CACNA2D2: variants seen among roughly 807,000 people sequenced by gnomAD.
CACNA2D2 encodes calcium voltage-gated channel auxiliary subunit alpha2delta 2.
A neutral mutation model predicts 166.4 loss-of-function variants in CACNA2D2; 48 were observed. That is an observed-to-expected ratio of 0.29 (90% CI 0.23 to 0.37). CACNA2D2 has a LOEUF of 0.37. Ranked by LOEUF, CACNA2D2 falls within the 10% of genes least tolerant of loss-of-function variation. CACNA2D2 has a pLI of 1.00. For synonymous variants in CACNA2D2, 561 were observed against 573.7 expected (o/e 0.98, Z 0.32); for missense variants, 1,122 against 1,433.0 (o/e 0.78, Z 3.50).
Position 50,482,804 on chromosome 3 carries a change from T to C in CACNA2D2, c.207-6605A>G, listed in dbSNP as rs146278800. ...AAGGAGCCCTGGGGAAGGGCAGGGT[T>C]TCCTGTGACCAGACCTTCCTTCTTG... On this transcript the variant is annotated intron_variant, in intron 1 of 37. Coordinates refer to ENST00000424201, the MANE Select transcript of CACNA2D2 (RefSeq NM_006030.4). Among the ~76,000 whole-genome samples the C allele has an allele frequency of 7.9e-3, 1,204 of 152,334 alleles. 12 individuals carry two copies. The highest frequency in any genetic ancestry group is 0.054 in the Middle Eastern group (16 of 294).
intron 3 of CACNA2D2, among the ~76,000 whole-genome samples, chr3:50,406,442 C>T (rs775269986): frequency 8.6e-5 from 13 of 151,574 alleles, no homozygotes; most frequent in Non-Finnish European, 1.6e-4. Flanking sequence ...AGGGAGCCCC[C>T]CATCAGCCCT....
In CACNA2D2 at chr3:50,379,137, G is replaced by C. The variant is rs756209511; in HGVS notation, c.1215C>G (p.Asp405Glu). The change falls in exon 12 of 38, where the codon GAC becomes GAG. Residue 405 changes from aspartate (D) to glutamate (E), a missense_variant. By Grantham distance (45) the Asp-to-Glu change is conservative (BLOSUM62 2). Coordinates refer to ENST00000424201, the MANE Select transcript of CACNA2D2 (RefSeq NM_006030.4). This position sits in a 1 kb window ranked among gnomAD's most constrained non-coding sequence, Gnocchi z 6.5. ...MIMMFTDGGE[D>E]RVQDVFEKYN... ...ACTTCTCAAAGACGTCCTGCACGCG[G>C]TCCTCACCACCATCCGTGAACATCA... is the stretch of plus-strand genomic sequence containing the variant. 7 of 1,614,010 alleles carry C rather than the reference G, an allele frequency of 4.3e-6. No individual in the cohort carries two copies. The highest frequency in any genetic ancestry group is 5.9e-6 in the Non-Finnish European group (7 of 1,180,006).
chr3:50,373,627 G>T (rs1310787196), intron 22 of CACNA2D2, among the ~76,000 whole-genome samples: 5 of 98,390 alleles, frequency 5.1e-5, no homozygotes, highest in Middle Eastern at 6.1e-3. Flanking sequence ...AGGGGGGGGG[G>T]TGCTGGGGTG....
Position 50,485,656 on chromosome 3 carries a change from C to T in CACNA2D2, c.207-9457G>A, listed in dbSNP as rs759894897. ...GAAACTCCTAGGATACGGAGACAGG[C>T]AGGCACACATGGTAACAGTCACTTA... On this transcript the variant is annotated intron_variant, in intron 1 of 37. Coordinates refer to ENST00000424201, the MANE Select transcript of CACNA2D2 (RefSeq NM_006030.4). Among the ~76,000 whole-genome samples, 4 of 152,346 alleles carry T rather than the reference C, an allele frequency of 2.6e-5. No homozygotes were observed. In the East Asian group the frequency reaches 7.7e-4, roughly 29 times the overall value.
chr3:50,454,192 C>T (rs997870161), intron 2 of CACNA2D2, among the ~76,000 whole-genome samples: 1 of 152,240 alleles, frequency 6.6e-6, no homozygotes, highest in South Asian at 2.1e-4. Flanking sequence ...CGGAAGCCTC[C>T]TCCTCCCTCT....
chr3:50,486,884 C>T (rs959591917), intron 1 of CACNA2D2, among the ~76,000 whole-genome samples: 1 of 152,234 alleles, frequency 6.6e-6, no homozygotes, highest in African/African-American at 2.4e-5. Context: ...GACCACCTCA[C>T]TCTGCAGTAG....
chr3:50,376,066 C>T lies in CACNA2D2; in HGVS notation c.1702-32G>A. 2 of 1,613,294 alleles carry T rather than the reference C, an allele frequency of 1.2e-6. No individual in the cohort carries two copies. Among genetic ancestry groups the T allele is most frequent in the Non-Finnish European group, 1.7e-6 (2 of 1,179,992 alleles). On this transcript the variant is annotated intron_variant, in intron 18 of 37. Coordinates refer to ENST00000424201, the MANE Select transcript of CACNA2D2 (RefSeq NM_006030.4). The surrounding 1 kb of genome is among the most constrained non-coding windows in gnomAD (Gnocchi z 4.3). Reference sequence around the variant, plus strand: ...GAGGCAGGGTGGGAAGTCAGAAGTCCCCATTGTGGAAGGTTTGCCCACCCT... The same window carrying T: ...GAGGCAGGGTGGGAAGTCAGAAGTCTCCATTGTGGAAGGTTTGCCCACCCT...
At chr3:50,373,128 AAC>A (rs1369063231) in intron 22 of CACNA2D2, 2 of 1,527,784 alleles carry the variant, frequency 1.3e-6, no homozygotes, top group African/African-American at 1.4e-5. Context: ...AAACAAAAAC[AAC>A]ACAAACACAA....
At chr3:50,404,288 G>C (rs1440927284) in intron 3 of CACNA2D2, among the ~76,000 whole-genome samples, 8 of 152,142 alleles carry the variant, frequency 5.3e-5, no homozygotes, top group African/African-American at 1.9e-4. Context: ...GGCAGCCTCT[G>C]GGGTCTGAAC....
rs1393763730 is a variant in CACNA2D2, at chr3:50,364,698, G to A, written c.3400C>T (p.Gln1134Ter). The A allele has an allele frequency of 6.5e-7, 1 of 1,543,656 alleles. No homozygotes were observed. The highest frequency in any genetic ancestry group is 8.7e-7 in the Non-Finnish European group (1 of 1,143,642). ...LLGLPPRPQP[Q>*]VLVHASRRL ...CGGCGAGAGGCGTGGACGAGGACTT[G>A]AGGCTGCGGCCGGGGCGGCAGGCCC... Residue 1134 changes from glutamine to a stop codon, truncating the protein, a stop_gained, in exon 38 of 38, where the codon CAA becomes TAA. Transcript: ENST00000424201. LOFTEE classifies it high-confidence loss of function.
chr3:50,485,089 C>T (rs892845869), intron 1 of CACNA2D2, among the ~76,000 whole-genome samples: 3 of 152,206 alleles, frequency 2.0e-5, no homozygotes, highest in Non-Finnish European at 4.4e-5. Flanking sequence ...AAGGCCCTGG[C>T]GCTAGAGCAG....
At chr3:50,429,734 C>T (rs1707982218) in intron 3 of CACNA2D2, among the ~76,000 whole-genome samples, 1 of 151,256 alleles carries the variant, frequency 6.6e-6, no homozygotes, top group Non-Finnish European at 1.5e-5. Flanking sequence ...CATGCCACTG[C>T]ACTCCAGGCT....
chr3:50,365,664 G>T lies in CACNA2D2; in HGVS notation c.2940C>A (p.Tyr980Ter), dbSNP rs761003578. 1 of 1,583,576 alleles carries T rather than the reference G, an allele frequency of 6.3e-7. No homozygotes were observed. Among genetic ancestry groups the T allele is most frequent in the South Asian group, 1.1e-5 (1 of 87,300 alleles). The change falls in exon 34 of 38, where the codon TAC (tyrosine) becomes TAA (stop). Residue 980 changes from tyrosine (Y) to a stop codon, truncating the protein, a stop_gained. Transcript: ENST00000424201. LOFTEE classifies it high-confidence loss of function. The surrounding 1 kb of genome is among the most constrained non-coding windows in gnomAD (Gnocchi z 4.5). The part of the protein sequence containing the change: ...AAWSLFQQLL[Y>*]GLIYHSWFQA... ...GGAACCAGCTGTGGTAGATGAGGCC[G>T]TAGAGAAGCTGCTGGAACAGGGACC... is the stretch of plus-strand genomic sequence containing the variant.
At chr3:50,428,749 C>A (rs1707919428) in intron 3 of CACNA2D2, among the ~76,000 whole-genome samples, 1 of 152,158 alleles carries the variant, frequency 6.6e-6, no homozygotes, top group African/African-American at 2.4e-5. Context: ...GGGGCAGGGA[C>A]TTGCCCAAGG....
At chr3:50,430,793 T>C (rs1708027758) in intron 3 of CACNA2D2, among the ~76,000 whole-genome samples, 1 of 152,060 alleles carries the variant, frequency 6.6e-6, no homozygotes, top group African/African-American at 2.4e-5. Flanking sequence ...TCTGAGAGAG[T>C]GGGCCTTAGT....
At chr3:50,450,855 C>A (rs950941267) in intron 2 of CACNA2D2, among the ~76,000 whole-genome samples, 13 of 152,196 alleles carry the variant, frequency 8.5e-5, no homozygotes, top group Non-Finnish European at 1.5e-5. Flanking sequence ...GCCGATGTCA[C>A]GGGTGTCCTT....
chr3:50,426,995 G>A (rs1429813158), intron 3 of CACNA2D2, among the ~76,000 whole-genome samples: 2 of 152,160 alleles, frequency 1.3e-5, no homozygotes, highest in South Asian at 2.1e-4. Context: ...CAGGATTCTC[G>A]ACTGCCAGAC....
intron 1 of CACNA2D2, among the ~76,000 whole-genome samples, chr3:50,498,635 A>C (rs1273754382): frequency 1.3e-5 from 2 of 152,226 alleles, no homozygotes; most frequent in Non-Finnish European, 2.9e-5. Context: ...TGGGGCTATA[A>C]GCACTGGGGC....
At chr3:50,405,389 C>T (rs1270033115) in intron 3 of CACNA2D2, among the ~76,000 whole-genome samples, 1 of 152,062 alleles carries the variant, frequency 6.6e-6, no homozygotes, top group East Asian at 1.9e-4. Context: ...GCGAGCCCAG[C>T]CCACCTAGGC....
Sources: gnomAD v4.1 joint callset for allele counts (sites outside exome capture counted in the v4.1 genomes callset) on GRCh38, gnomAD v4.1.1 for gene constraint, Gnocchi (gnomAD v3.1) non-coding constraint, MANE v1.5 for transcripts, NCBI Gene and HGNC (gene_info 2026-07-23, HGNC 2026-07-21) for gene names.